The following PLEKHA4 variants were observed in gnomAD, a reference collection of about 807,000 sequenced individuals.
PLEKHA4 encodes pleckstrin homology domain containing A4.
Under a neutral mutation model 94.7 loss-of-function variants are expected in PLEKHA4, and 73 were observed. The ratio of observed to expected loss-of-function variants is 0.77; its 90% CI spans 0.64 to 0.94. PLEKHA4 has a LOEUF of 0.94. Among genes scored for constraint, PLEKHA4 ranks in the 40% least tolerant of loss-of-function variants. PLEKHA4 has a pLI of 0.00. For synonymous variants in PLEKHA4, 449 were observed against 437.1 expected (o/e 1.03, Z -0.34); for missense variants, 1,049 against 1,054.1 (o/e 1.00, Z 0.07).
intron 16 of PLEKHA4, 33 bp from the exon 17 acceptor site, chr19:48,841,343 C>T (rs1255041307): frequency 1.3e-6 from 2 of 1,567,508 alleles, no homozygotes; most frequent in Non-Finnish European, 8.6e-7. Flanking sequence ...AAGACCCAAC[C>T]TTTAGGCCAG....
chr19:48,853,924 C>T, intron 11 of PLEKHA4, 83 bp downstream of exon 11: 1 of 1,599,306 alleles, frequency 6.3e-7, no homozygotes, highest in South Asian at 1.1e-5. Context: ...GACGTCCAGT[C>T]AGCATCCTGA....
chr19:48,856,815 C>T (rs1599908846), intron 9 of PLEKHA4, among the ~76,000 whole-genome samples: 1 of 147,270 alleles, frequency 6.8e-6, no homozygotes. Flanking sequence ...AGGAGAATGG[C>T]ATGAACCCGG....
intron 6 of PLEKHA4, 159 bp downstream of exon 6, chr19:48,860,191 G>T: frequency 1.6e-6 from 1 of 630,770 alleles, no homozygotes; most frequent in Non-Finnish European, 2.8e-6. Context: ...TTTGCTGATT[G>T]GAAAAGTTCC....
At chr19:48,857,646 G>T (rs2036476718) in intron 8 of PLEKHA4, 150 bp from the exon 9 acceptor site, 2 of 606,854 alleles carry the variant, frequency 3.3e-6, no homozygotes, top group Non-Finnish European at 5.9e-6. Context: ...AACATGTGCT[G>T]TGTCCACTCA....
intron 3 of PLEKHA4, among the ~76,000 whole-genome samples, chr19:48,863,791 C>G (rs980870736): frequency 5.3e-5 from 8 of 152,142 alleles, no homozygotes; most frequent in African/African-American, 1.9e-4. Context: ...CCAGGCTTGT[C>G]TCGAACTCTT....
At chr19:48,845,104 T>A in intron 16 of PLEKHA4, 1 of 339,672 alleles carries the variant, frequency 2.9e-6, no homozygotes, top group South Asian at 4.0e-5. Flanking sequence ...CTAGTTTTCA[T>A]CTTGATGTCA....
Position 48,845,566 on chromosome 19 carries a change from G to T in PLEKHA4, c.1617C>A (p.Asp539Glu). 1 of 1,611,288 alleles carries T rather than the reference G, an allele frequency of 6.2e-7. No individual in the cohort carries two copies. Among genetic ancestry groups the T allele is most frequent in the Non-Finnish European group, 8.5e-7 (1 of 1,178,172 alleles). ...ELSSPRSPET[D>E]WGRPPGGDKD... ...TGTCGCCTCCAGGAGGCCGCCCCCA[G>T]TCAGTCTCGGGGGACCTAGGGGAGC... is the stretch of plus-strand genomic sequence containing the variant. The change falls in exon 15 of 20, where the codon GAC becomes GAA. Residue 539 changes from aspartate to glutamate, a missense_variant. Physicochemically the swap from Asp to Glu is conservative, Grantham distance 45. Transcript: ENST00000263265.
chr19:48,837,134 T>G lies in PLEKHA4; in HGVS notation c.*155A>C. The G allele has an allele frequency of 9.8e-7, 1 of 1,016,238 alleles. No homozygotes were observed. Among genetic ancestry groups the G allele is most frequent in the Non-Finnish European group, 1.5e-6 (1 of 670,002 alleles). The allele number at this position is 1,016,238 out of a possible 1,614,324, so 63.0% of individuals were successfully genotyped here. On this transcript the variant is annotated 3_prime_UTR_variant, in exon 20 of 20. Transcript: ENST00000263265. This position sits in a 1 kb window ranked among gnomAD's most constrained non-coding sequence, Gnocchi z 4.3. ...GTTTTAATCCAAATTTAGACAGTGTTGAGAAAACCAAACTTTGGCCATAGA... is the reference window on the plus strand; with the variant it reads ...GTTTTAATCCAAATTTAGACAGTGTGGAGAAAACCAAACTTTGGCCATAGA...
rs113105695 is a variant in PLEKHA4 at position 48,867,959 on chromosome 19, G to T, written c.-7+124C>A. The stretch of plus-strand genomic sequence containing the variant: ...CCCTGCCTCCTTCCGGCTGCCCCAG[G>T]CTACCTGTCTCCCGCCCTCCCACAT... On this transcript the variant is annotated intron_variant, in intron 1 of 19. Transcript: ENST00000263265. This position sits in a 1 kb window ranked among gnomAD's most constrained non-coding sequence, Gnocchi z 4.7. The T allele has an allele frequency of 0.031, 8,507 of 270,714 alleles. 310 individuals carry two copies. Among genetic ancestry groups the T allele is most frequent in the African/African-American group, 0.093 (4,279 of 46,168 alleles). The allele number at this position is 270,714 out of a possible 1,614,324, so 16.8% of individuals were successfully genotyped here.
intron 10 of PLEKHA4, 27 bp downstream of exon 10, chr19:48,854,190 G>A: frequency 6.2e-7 from 1 of 1,613,566 alleles, no homozygotes; most frequent in Non-Finnish European, 8.5e-7. Context: ...TGGGAACTCA[G>A]CAAGGATTAG....
chr19:48,853,966 A>G, intron 11 of PLEKHA4, 41 bp downstream of exon 11: 3 of 1,612,140 alleles, frequency 1.9e-6, no homozygotes, highest in East Asian at 2.2e-5. Flanking sequence ...CAGGGCAGGC[A>G]GAGAGGCCAG....
At position 48,839,122 on chromosome 19, in the gene PLEKHA4, G is replaced by C. The variant is rs1037427550; in HGVS notation, c.1964+83C>G. On this transcript the variant is annotated intron_variant, in intron 18 of 19. Coordinates refer to ENST00000263265, the MANE Select transcript of PLEKHA4 (RefSeq NM_020904.3). ...TTGCGATTTGTACTTCCATATTCAGGAGACTTTAATAATAATGCTACTCCC... is the reference window on the plus strand; with the variant it reads ...TTGCGATTTGTACTTCCATATTCAGCAGACTTTAATAATAATGCTACTCCC... The C allele has an allele frequency of 1.3e-5, 12 of 931,046 alleles. No individual in the cohort carries two copies. The South Asian group carries it at 2.2e-4, about 17-fold the overall frequency. The allele number at this position is 931,046 out of a possible 1,614,324, so 57.7% of individuals were successfully genotyped here.
Position 48,837,901 on chromosome 19 carries a change from A to C in PLEKHA4, c.2077+116T>G. 1 of 826,464 alleles carries C rather than the reference A, an allele frequency of 1.2e-6. No homozygotes were observed. The highest frequency in any genetic ancestry group is 1.9e-6 in the Non-Finnish European group (1 of 516,476). The allele number at this position is 826,464 out of a possible 1,614,324, so 51.2% of individuals were successfully genotyped here. A position where few individuals can be genotyped will look rare whatever the true frequency, so the allele number is the denominator to read the frequency against. ...CCAAACCCTGCCCAACTCTTTACTC[A>C]CCAAGATAAAAAATTCTCACCGGCC... On this transcript the variant is annotated intron_variant, in intron 19 of 19. Coordinates refer to ENST00000263265, the MANE Select transcript of PLEKHA4 (RefSeq NM_020904.3). This position sits in a 1 kb window ranked among gnomAD's most constrained non-coding sequence, Gnocchi z 4.3.
In PLEKHA4 at chr19:48,837,119, A is replaced by G; in HGVS notation, c.*170T>C. 1.2e-6 allele frequency: 1 copy of G among 855,232 alleles called. No individual in the cohort carries two copies. The highest frequency in any genetic ancestry group is 1.9e-6 in the Non-Finnish European group (1 of 538,748). 53.0% of individuals were successfully genotyped at this position (855,232 alleles called of 1,614,324 possible). On this transcript the variant is annotated 3_prime_UTR_variant, in exon 20 of 20. Transcript: ENST00000263265. This position sits in a 1 kb window ranked among gnomAD's most constrained non-coding sequence, Gnocchi z 4.3. ...GACTAAAAGTTCAAAGTTTTAATCC[A>G]AATTTAGACAGTGTTGAGAAAACCA...
chr19:48,856,913 A>AAAAG (rs1220554964), intron 9 of PLEKHA4, among the ~76,000 whole-genome samples: 17 of 129,050 alleles, frequency 1.3e-4, no homozygotes, highest in Admixed American at 1.6e-4. Flanking sequence ...AAAAAAAAAA[A>AAAAG]AAAGAAAGAA....
intron 14 of PLEKHA4, among the ~76,000 whole-genome samples, chr19:48,847,325 A>G (rs557658986): frequency 6.6e-6 from 1 of 152,210 alleles, no homozygotes; most frequent in East Asian, 1.9e-4. Context: ...GGTCCCAGCT[A>G]CTCAGGAAGC....
chr19:48,839,677 C>T (rs2035677163), intron 17 of PLEKHA4, among the ~76,000 whole-genome samples: 1 of 150,612 alleles, frequency 6.6e-6, no homozygotes, highest in Non-Finnish European at 1.5e-5. Flanking sequence ...ACTGGTATTA[C>T]AGGGGTGAGC....
At chr19:48,857,397 A>T in intron 9 of PLEKHA4, 25 bp downstream of exon 9, 1 of 1,270,338 alleles carries the variant, frequency 7.9e-7, no homozygotes, top group Non-Finnish European at 1.1e-6. Flanking sequence ...GCTCCGGTAG[A>T]TTTAGGGTAC....
At chr19:48,847,792 G>T in intron 14 of PLEKHA4, 108 bp downstream of exon 14, 1 of 1,306,514 alleles carries the variant, frequency 7.7e-7, no homozygotes, top group Non-Finnish European at 1.0e-6. Flanking sequence ...CTTGTACCAG[G>T]TGGGTTAGCT....
Sources: allele counts gnomAD v4.1 joint callset (sites outside exome capture counted in the v4.1 genomes callset), GRCh38; gene constraint gnomAD v4.1.1; non-coding constraint Gnocchi (gnomAD v3.1); transcripts MANE v1.5; gene names NCBI Gene and HGNC (gene_info 2026-07-23, HGNC 2026-07-21).